KIAA1217: variants seen among roughly 807,000 people sequenced by gnomAD.
KIAA1217 encodes sickle tail protein homolog.
Under a neutral mutation model 163.9 loss-of-function variants are expected in KIAA1217, and 88 were observed. The observed-to-expected ratio is 0.54, with a 90% CI of 0.45 to 0.64. KIAA1217 has a LOEUF of 0.64. KIAA1217 is among the 30% of genes least tolerant of loss of function. KIAA1217 has a pLI of 0.00. For missense variants in KIAA1217, 2,372 were observed against 2,475.0 expected (o/e 0.96, Z 0.88); for synonymous variants, 903 against 923.1 (o/e 0.98, Z 0.39).
At chr10:24,307,600 A>T (rs1198892436) in intron 2 of KIAA1217, among the ~76,000 whole-genome samples, 1 of 133,546 alleles carries the variant, frequency 7.5e-6, no homozygotes, top group African/African-American at 3.1e-5. Flanking sequence ...ACATAATGAG[A>T]CCCCATCTCT....
intron 1 of KIAA1217, among the ~76,000 whole-genome samples, chr10:23,941,373 A>G (rs558226066): frequency 1.3e-5 from 2 of 152,324 alleles, no homozygotes; most frequent in African/African-American, 4.8e-5. Context: ...CAGAATATAA[A>G]CAACAATTAT....
At position 24,256,014 on chromosome 10, in the gene KIAA1217, G is replaced by A. The variant is rs143857780; in HGVS notation, c.354+36105G>A. On this transcript the variant is annotated intron_variant, in intron 2 of 20. Coordinates refer to ENST00000376454, the MANE Select transcript of KIAA1217 (RefSeq NM_019590.5). ...GAAATGCCTCAAAGGTTAGAAAGCC[G>A]AGTGCTGCCGATTAACTCAAGCTCA... Among the ~76,000 whole-genome samples, 10 of 136,542 alleles carry A rather than the reference G, an allele frequency of 7.3e-5. No homozygotes were observed. In the East Asian group the frequency reaches 1.8e-3, roughly 24 times the overall value. The allele number at this position is 136,542 out of a possible 152,430, so 89.6% of individuals were successfully genotyped here.
intron 1 of KIAA1217, among the ~76,000 whole-genome samples, chr10:23,696,207 A>T (rs936505390): frequency 1.3e-5 from 2 of 152,306 alleles, no homozygotes; most frequent in African/African-American, 4.8e-5. Flanking sequence ...AGGGGAAAAA[A>T]GTTCTTGGAA....
chr10:24,093,874 C>T (rs1050113872), intron 2 of KIAA1217, among the ~76,000 whole-genome samples: 5 of 142,256 alleles, frequency 3.5e-5, no homozygotes, highest in Non-Finnish European at 6.0e-5. Flanking sequence ...TTGTTCAATT[C>T]CCACTTATGA....
chr10:23,792,232 C>G (rs953633315), intron 1 of KIAA1217, among the ~76,000 whole-genome samples: 3 of 152,294 alleles, frequency 2.0e-5, no homozygotes, highest in Non-Finnish European at 4.4e-5. Flanking sequence ...ATAGCTATTC[C>G]AGAATGTTCA....
chr10:23,702,959 C>T (rs1564350353), intron 1 of KIAA1217, among the ~76,000 whole-genome samples: 1 of 152,014 alleles, frequency 6.6e-6, no homozygotes, highest in Non-Finnish European at 1.5e-5. Flanking sequence ...ATCTCCTGAC[C>T]TTGTGATCCG....
At chr10:23,734,107 C>T (rs1838644946) in intron 1 of KIAA1217, among the ~76,000 whole-genome samples, 1 of 151,922 alleles carries the variant, frequency 6.6e-6, no homozygotes, top group Non-Finnish European at 1.5e-5. Context: ...TCACTGGAAC[C>T]TCCCAACTTA....
intron 17 of KIAA1217, among the ~76,000 whole-genome samples, chr10:24,539,393 T>C (rs1023629461): frequency 6.6e-6 from 1 of 151,996 alleles, no homozygotes; most frequent in Non-Finnish European, 1.5e-5. Context: ...CACACCCGGC[T>C]AATTTTTTTG....
intron 1 of KIAA1217, among the ~76,000 whole-genome samples, chr10:23,845,330 T>C (rs1838972958): frequency 6.6e-6 from 1 of 152,208 alleles, no homozygotes; most frequent in African/African-American, 2.4e-5. Flanking sequence ...CCACAATGGT[T>C]GAACTAATTT....
At chr10:24,173,396 A>T (rs1429765720) in intron 2 of KIAA1217, among the ~76,000 whole-genome samples, 2 of 152,194 alleles carry the variant, frequency 1.3e-5, no homozygotes, top group Non-Finnish European at 2.9e-5. Flanking sequence ...AAAATAATAG[A>T]AATAGAAATA....
intron 1 of KIAA1217, among the ~76,000 whole-genome samples, chr10:23,934,583 A>ATATATATG (rs1334127032): frequency 2.7e-4 from 17 of 64,066 alleles, no homozygotes; most frequent in Admixed American, 3.5e-4. Flanking sequence ...ATATATATAT[A>ATATATATG]TATATATGTA....
Position 23,790,615 on chromosome 10 carries a change from GTA to G in KIAA1217, c.-321+95388_-321+95389del, listed in dbSNP as rs72548156. On this transcript the variant is annotated intron_variant, in intron 1 of 18. Transcript: ENST00000376462. The stretch of plus-strand genomic sequence containing the variant: ...TATATACATGTACATATATACATAT[GTA>G]TATATACATATATATGTACATGTAT... Among the ~76,000 whole-genome samples the G allele has an allele frequency of 9.6e-4, 80 of 83,408 alleles. 8 individuals carry two copies. The highest frequency in any genetic ancestry group is 1.5e-3 in the East Asian group (5 of 3,374). 54.7% of individuals were successfully genotyped at this position (83,408 alleles called of 152,430 possible). A position where few individuals can be genotyped will look rare whatever the true frequency, so the allele number is the denominator to read the frequency against.
chr10:24,460,154 G>A (rs2062237133), intron 5 of KIAA1217, among the ~76,000 whole-genome samples: 1 of 152,054 alleles, frequency 6.6e-6, no homozygotes, highest in South Asian at 2.1e-4. Context: ...AAAGCAGATG[G>A]GTTTTCAAAG....
At chr10:24,509,608 G>T (rs928597434) in intron 9 of KIAA1217, among the ~76,000 whole-genome samples, 1 of 152,154 alleles carries the variant, frequency 6.6e-6, no homozygotes, top group Admixed American at 6.5e-5. Context: ...CATGGGGGTT[G>T]GGGTGCTGAC....
At chr10:23,851,979 T>G (rs1304829416) in intron 1 of KIAA1217, among the ~76,000 whole-genome samples, 2 of 152,018 alleles carry the variant, frequency 1.3e-5, no homozygotes, top group East Asian at 3.9e-4. Flanking sequence ...TTCACTCCGA[T>G]GGTAGTTTTT....
Position 24,346,632 on chromosome 10 carries a change from G to A in KIAA1217, c.355-34237G>A, listed in dbSNP as rs568245618. Among the ~76,000 whole-genome samples the A allele has an allele frequency of 6.3e-5, 8 of 127,602 alleles. No homozygotes were observed. In the East Asian group the frequency reaches 2.2e-3, roughly 35 times the overall value. The allele number at this position is 127,602 out of a possible 152,430, so 83.7% of individuals were successfully genotyped here. On this transcript the variant is annotated intron_variant, in intron 2 of 20. Coordinates refer to ENST00000376454, the MANE Select transcript of KIAA1217 (RefSeq NM_019590.5). The stretch of plus-strand genomic sequence containing the variant: ...TGTCACCAGGCTGAAGTGCAGTGGT[G>A]TGATCTCAGCTCACTGCAACCTCCG...
intron 3 of KIAA1217, among the ~76,000 whole-genome samples, chr10:24,384,280 TG>T (rs1270850462): frequency 9.5e-6 from 1 of 105,196 alleles, no homozygotes; most frequent in African/African-American, 6.8e-5. Context: ...TGGTTTATCA[TG>T]AATTTTTTTT....
intron 2 of KIAA1217, among the ~76,000 whole-genome samples, chr10:24,316,941 T>C (rs911948999): frequency 6.6e-6 from 1 of 152,158 alleles, no homozygotes; most frequent in African/African-American, 2.4e-5. Context: ...AGACGCTCAG[T>C]GTGTGGTCTT....
intron 1 of KIAA1217, among the ~76,000 whole-genome samples, chr10:23,934,663 G>A (rs1168155258): frequency 7.4e-6 from 1 of 136,008 alleles, no homozygotes; most frequent in Admixed American, 7.8e-5. Flanking sequence ...TGTCACCCAG[G>A]CTGGAGTGCA....
Sources: gnomAD v4.1 joint callset for allele counts (sites outside exome capture counted in the v4.1 genomes callset) on GRCh38, gnomAD v4.1.1 for gene constraint, MANE v1.5 for transcripts, NCBI Gene and HGNC (gene_info 2026-07-23, HGNC 2026-07-21) for gene names.